Variants in SMAD4 observed in about 807,000 individuals in gnomAD.
SMAD4 encodes the protein MAD homolog 4.
SMAD4 carries 7 observed loss-of-function variants against 63.2 expected under a neutral mutation model. The observed-to-expected ratio is 0.11, with a 90% CI of 0.06 to 0.21. The LOEUF (loss-of-function observed/expected upper bound fraction) is 0.21, where lower values mean the gene tolerates loss of function less well. Among genes scored for constraint, SMAD4 ranks in the 10% least tolerant of loss-of-function variants. SMAD4 has a pLI of 1.00. For missense variants in SMAD4, 312 were observed against 693.8 expected, an observed-to-expected ratio of 0.45 and a Z score of 6.18; for synonymous variants, 215 against 235.4, an observed-to-expected ratio of 0.91 and a Z score of 0.79.
rs763846934 is a variant in SMAD4 at position 51,042,291 on chromosome 18, C to T, written c.-127-4629C>T. Among the ~76,000 whole-genome samples, 51 of 66,390 alleles carry T rather than the reference C, an allele frequency of 7.7e-4. No homozygotes were observed. The South Asian group carries it at 8.6e-3, about 11-fold the overall frequency. The allele number at this position is 66,390 out of a possible 152,430, so 43.6% of individuals were successfully genotyped here. On this transcript the variant is annotated intron_variant, in intron 1 of 11. Transcript: ENST00000342988. The stretch of plus-strand genomic sequence containing the variant: ...TCATTTTTTTCTTGCCTGCCTGCCT[C>T]CCTCCCTCCTTCCCTCCCTCCCTCC...
Position 51,076,704 on chromosome 18 carries a change from G to A in SMAD4, c.1375G>A (p.Ala459Thr), listed in dbSNP as rs1910479958. 1.2e-6 allele frequency: 2 copies of A among 1,612,590 alleles called. No homozygotes were observed. Among genetic ancestry groups the A allele is most frequent in the Non-Finnish European group, 1.7e-6 (2 of 1,178,616 alleles). Residue 459 changes from alanine to threonine, a missense_variant, in exon 11 of 12, where the codon GCT (alanine) becomes ACT (threonine). Transcript: ENST00000342988. ...QQAATAQAAA[A>T]AQAAAVAGNI... ...GGCGGCTACTGCACAAGCTGCAGCA[G>A]CTGCCCAGGCAGCAGCCGTGGCAGG...
rs896797822 is a variant in SMAD4, at chr18:51,050,825, G to GT, written c.454+1512dup. On this transcript the variant is annotated intron_variant, in intron 4 of 11. Transcript: ENST00000342988. ...TTAGGAAGAGTATGCAATTCTACTTGTTTTTTTTTTTCCACCTTTCTCCCA... is the reference window on the plus strand; with the variant it reads ...TTAGGAAGAGTATGCAATTCTACTTGTTTTTTTTTTTTCCACCTTTCTCCCA... Among the ~76,000 whole-genome samples the GT allele has an allele frequency of 4.9e-4, 72 of 147,134 alleles. 1 individual carries two copies. The highest frequency in any genetic ancestry group is 2.6e-3 in the South Asian group (12 of 4,652).
intron 1 of SMAD4, among the ~76,000 whole-genome samples, chr18:51,040,372 C>T (rs1258291610): frequency 1.3e-5 from 2 of 149,920 alleles, no homozygotes. Context: ...GGCAGTGAGC[C>T]AAGATGGCAC....
intron 4 of SMAD4, among the ~76,000 whole-genome samples, chr18:51,050,430 A>AGG (rs1909676279): frequency 6.6e-6 from 1 of 151,572 alleles, no homozygotes; most frequent in African/African-American, 2.4e-5. Flanking sequence ...GAGGCCGAGG[A>AGG]GGGCGGATCA....
chr18:51,041,334 A>G (rs561557591), intron 1 of SMAD4, among the ~76,000 whole-genome samples: 3 of 152,152 alleles, frequency 2.0e-5, no homozygotes, highest in Non-Finnish European at 2.9e-5. Context: ...CTATTCTACC[A>G]ATATTCTGAT....
chr18:51,058,259 TA>T lies in SMAD4; in HGVS notation c.787+21del. 6.2e-7 allele frequency: 1 copy of T among 1,611,180 alleles called. No homozygotes were observed. The highest frequency in any genetic ancestry group is 8.5e-7 in the Non-Finnish European group (1 of 1,178,130). On this transcript the variant is annotated intron_variant, in intron 6 of 11. Coordinates refer to ENST00000342988, the MANE Select transcript of SMAD4 (RefSeq NM_005359.6). ...TTACCATCATAGTATGTACATACTT[TA>T]AAAAATCTTTTAAATAGTTGAGAAA...
At chr18:51,039,262 C>A (rs1265983457) in intron 1 of SMAD4, among the ~76,000 whole-genome samples, 2 of 152,144 alleles carry the variant, frequency 1.3e-5, no homozygotes, top group African/African-American at 4.8e-5. Flanking sequence ...GGACGTTAGT[C>A]ATTCAGTTTC....
rs573084465 is a variant in SMAD4 at position 51,044,433 on chromosome 18, C to T, written c.-127-2487C>T. On this transcript the variant is annotated intron_variant, in intron 1 of 11. Transcript: ENST00000342988. ...TTGAGATAGGGTCTCACTGTGTCAC[C>T]CAGGCTGTAGTGCAGTGGCACAATC... 2.6e-5 allele frequency among the ~76,000 whole-genome samples: 4 copies of T among 152,208 alleles called. No homozygotes were observed. The South Asian group carries it at 6.2e-4, about 24-fold the overall frequency.
intron 1 of SMAD4, among the ~76,000 whole-genome samples, chr18:51,046,601 A>C (rs1035223867): frequency 6.6e-6 from 1 of 152,056 alleles, no homozygotes; most frequent in Non-Finnish European, 1.5e-5. Context: ...AGTGCTGGTA[A>C]GATTTTCCTT....
rs116895354 is a variant in SMAD4, at chr18:51,066,704, A to C, written c.1140-315A>C. On this transcript the variant is annotated intron_variant, in intron 9 of 11. Transcript: ENST00000342988. ...AAATAGTCACATGTGGCTAGTGGCTATCAATTTGGACAGTATGCCTTAGTT... is the reference window on the plus strand; with the variant it reads ...AAATAGTCACATGTGGCTAGTGGCTCTCAATTTGGACAGTATGCCTTAGTT... 1,255 of 282,822 alleles carry C rather than the reference A, an allele frequency of 4.4e-3. 7 individuals carry two copies. The highest frequency in any genetic ancestry group is 7.7e-3 in the Middle Eastern group (6 of 776). 17.5% of individuals were successfully genotyped at this position (282,822 alleles called of 1,614,324 possible).
At chr18:51,037,185 AAAAC>A (rs1447958466) in intron 1 of SMAD4, among the ~76,000 whole-genome samples, 1 of 152,188 alleles carries the variant, frequency 6.6e-6, no homozygotes, top group Non-Finnish European at 1.5e-5. Flanking sequence ...CTGTCTCAAA[AAAAC>A]AAAAAAAGTT....
At chr18:51,054,524 C>G in intron 4 of SMAD4, 1 of 455,568 alleles carries the variant, frequency 2.2e-6, no homozygotes, top group Non-Finnish European at 4.0e-6. Flanking sequence ...TTGCTGGAGG[C>G]TGTTGAAACA....
chr18:51,080,146 T>A lies in SMAD4; in HGVS notation c.*1679T>A, dbSNP rs1379551021. On this transcript the variant is annotated 3_prime_UTR_variant, in exon 12 of 12. Coordinates refer to ENST00000342988, the MANE Select transcript of SMAD4 (RefSeq NM_005359.6). The stretch of plus-strand genomic sequence containing the variant: ...AGAAACACTTGTGTGATGATAGTCC[T>A]CCTTATATCACCTGGAATGAACACA... The A allele has an allele frequency of 4.3e-6, 1 of 232,526 alleles. No individual in the cohort carries two copies. Among genetic ancestry groups the A allele is most frequent in the Non-Finnish European group, 8.5e-6 (1 of 117,744 alleles). 14.4% of individuals were successfully genotyped at this position (232,526 alleles called of 1,614,324 possible). A position where few individuals can be genotyped will look rare whatever the true frequency, so the allele number is the denominator to read the frequency against.
chr18:51,072,828 C>G (rs1910353586), intron 10 of SMAD4, among the ~76,000 whole-genome samples: 1 of 152,130 alleles, frequency 6.6e-6, no homozygotes, highest in Non-Finnish European at 1.5e-5. Context: ...CCTTTGATTA[C>G]TTTGAATTGC....
chr18:51,056,761 C>T (rs1434375455), intron 5 of SMAD4, among the ~76,000 whole-genome samples: 3 of 151,672 alleles, frequency 2.0e-5, no homozygotes, highest in African/African-American at 7.3e-5. Context: ...CTTTATTTTA[C>T]ATACTTAGAA....
At chr18:51,054,670 A>C in intron 4 of SMAD4, 111 bp from the exon 5 acceptor site, 1 of 724,966 alleles carries the variant, frequency 1.4e-6, no homozygotes, top group Non-Finnish European at 2.4e-6. Context: ...TAAGGTTAGT[A>C]ATTTACACTG....
At chr18:51,052,793 TTTC>T (rs1472009161) in intron 4 of SMAD4, 2 of 189,140 alleles carry the variant, frequency 1.1e-5, no homozygotes, top group African/African-American at 2.4e-5. Flanking sequence ...ACATACCTCC[TTTC>T]TTACACAAAA....
chr18:51,073,619 C>T (rs1159982981), intron 10 of SMAD4, among the ~76,000 whole-genome samples: 1 of 151,848 alleles, frequency 6.6e-6, no homozygotes, highest in Non-Finnish European at 1.5e-5. Context: ...CAACCTCCGC[C>T]TCCTGGGTTT....
At chr18:51,042,992 G>C (rs1251126810) in intron 1 of SMAD4, among the ~76,000 whole-genome samples, 1 of 152,172 alleles carries the variant, frequency 6.6e-6, no homozygotes, top group African/African-American at 2.4e-5. Context: ...GTATATAAGT[G>C]CTAGCATCTA....
Sources: gnomAD v4.1 joint callset for allele counts (sites outside exome capture counted in the v4.1 genomes callset) on GRCh38, gnomAD v4.1.1 for gene constraint, MANE v1.5 for transcripts, NCBI Gene and HGNC (gene_info 2026-07-23, HGNC 2026-07-21) for gene names.